FAM234A: variants seen among roughly 807,000 people sequenced by gnomAD.
FAM234A encodes protein FAM234A.
In FAM234A, 42 loss-of-function variants were observed where a neutral mutation model predicts 49.1. That is an observed-to-expected ratio of 0.86 (90% confidence interval 0.67 to 1.11). The LOEUF (loss-of-function observed/expected upper bound fraction) is 1.11. Among genes scored for constraint, FAM234A ranks in the 50% least tolerant of loss-of-function variants. The pLI, the probability that FAM234A is intolerant of heterozygous loss-of-function variation, is 0.00. For synonymous variants in FAM234A, 369 were observed against 316.2 expected, an observed-to-expected ratio of 1.17 and a Z score of -1.77; for missense variants, 815 against 745.2, an observed-to-expected ratio of 1.09 and a Z score of -1.09.
downstream of FAM234A, chr16:269,869 C>T (rs2051840766): frequency 7.8e-6 from 3 of 382,620 alleles, no homozygotes; most frequent in African/African-American, 2.1e-5. Flanking sequence ...TAGCGGGAAC[C>T]AGGAATGGCT....
chr16:265,661 C>T lies in FAM234A; in HGVS notation c.*639C>T. On this transcript the variant is annotated 3_prime_UTR_variant, in exon 13 of 13. Transcript: ENST00000399932. ...CTGTGAGGAAGCCTGGAGCAAGGGT[C>T]TCCCCCAGCAGGATGGGTGGGGCCT... is the stretch of plus-strand genomic sequence containing the variant. The T allele has an allele frequency of 1.0e-6, 1 of 985,496 alleles. No homozygotes were observed. The allele number at this position is 985,496 out of a possible 1,614,324, so 61.0% of individuals were successfully genotyped here. A position where few individuals can be genotyped will look rare whatever the true frequency, so the allele number is the denominator to read the frequency against.
chr16:259,925 G>A, intron 4 of FAM234A, 44 bp from the exon 5 acceptor site: 1 of 1,572,800 alleles, frequency 6.4e-7, no homozygotes, highest in South Asian at 1.1e-5. Context: ...CGGCCTGCCT[G>A]CCCAGATGGT....
chr16:264,273 A>T, intron 11 of FAM234A, 102 bp downstream of exon 11: 1 of 1,229,756 alleles, frequency 8.1e-7, no homozygotes, highest in Non-Finnish European at 1.1e-6. Context: ...GTGCCTGGGC[A>T]ACCTCACATA....
intron 3 of FAM234A, among the ~76,000 whole-genome samples, chr16:255,057 T>C (rs1176090834): frequency 6.6e-6 from 1 of 152,142 alleles, no homozygotes; most frequent in South Asian, 2.1e-4. Flanking sequence ...GGTTTCACCA[T>C]GTTGGTCAGG....
chr16:264,307 G>T, intron 11 of FAM234A, 136 bp downstream of exon 11: 2 of 1,013,506 alleles, frequency 2.0e-6, no homozygotes, highest in Non-Finnish European at 2.8e-6. Flanking sequence ...TGACAGTCAG[G>T]ATGAGGTGGT....
intron 5 of FAM234A, 57 bp from the exon 6 acceptor site, chr16:261,327 G>T: frequency 6.3e-7 from 1 of 1,577,370 alleles, no homozygotes; most frequent in Non-Finnish European, 8.7e-7. Flanking sequence ...TGCAGTTGCC[G>T]GGCTGCTGTT....
At chr16:239,748 A>G (rs753275109) in intron 1 of FAM234A, among the ~76,000 whole-genome samples, 1 of 152,134 alleles carries the variant, frequency 6.6e-6, no homozygotes, top group Non-Finnish European at 1.5e-5. Flanking sequence ...ATAGTTGCCT[A>G]TCAGCTGTTC....
In FAM234A at chr16:263,728, G is replaced by C. The variant is rs757810433; in HGVS notation, c.1141G>C (p.Asp381His). The C allele has an allele frequency of 6.2e-7, 1 of 1,614,100 alleles. No individual in the cohort carries two copies. The highest frequency in any genetic ancestry group is 2.2e-5 in the East Asian group (1 of 44,888). Residue 381 changes from aspartate to histidine, a missense_variant, in exon 10 of 13, where the codon GAC (aspartate) becomes CAC (histidine). Physicochemically the swap from Asp to His is moderately conservative, Grantham distance 81. Coordinates refer to ENST00000399932, the MANE Select transcript of FAM234A (RefSeq NM_032039.4). Reference protein sequence around the residue: ...RKPIFGRYKPDTLAVAVENGT... With the variant: ...RKPIFGRYKPHTLAVAVENGT... ...ACCCATCTTCGGCCGCTACAAACCAGACACCTTGGCTGTAGCCGTTGAAAA... is the reference window on the plus strand; with the variant it reads ...ACCCATCTTCGGCCGCTACAAACCACACACCTTGGCTGTAGCCGTTGAAAA...
rs2051665313 is a variant in FAM234A at position 265,549 on chromosome 16, G to A, written c.*527G>A. On this transcript the variant is annotated 3_prime_UTR_variant, in exon 13 of 13. Transcript: ENST00000399932. Reference sequence around the variant, plus strand: ...GGGTACTGGGCCTCAACGGGAACCTGAGACAGCTCCAGCTTCGCAGCCCTT... The same window carrying A: ...GGGTACTGGGCCTCAACGGGAACCTAAGACAGCTCCAGCTTCGCAGCCCTT... The A allele has an allele frequency of 1.0e-6, 1 of 985,948 alleles. No individual in the cohort carries two copies. The highest frequency in any genetic ancestry group is 6.1e-5 in the Admixed American group (1 of 16,292). 61.1% of individuals were successfully genotyped at this position (985,948 alleles called of 1,614,324 possible).
chr16:240,948 C>CT (rs1004561609), intron 1 of FAM234A, among the ~76,000 whole-genome samples: 4 of 151,796 alleles, frequency 2.6e-5, no homozygotes, highest in South Asian at 4.2e-4. Context: ...GTTTTCTTCT[C>CT]TTTTTTTTGA....
chr16:238,851 G>A (rs1403716131), intron 1 of FAM234A, among the ~76,000 whole-genome samples: 3 of 145,878 alleles, frequency 2.1e-5, no homozygotes, highest in Non-Finnish European at 4.5e-5. Context: ...TTGGGAGGCT[G>A]AGGTGGGTGG....
downstream of FAM234A, chr16:269,184 G>A (rs1243249167): frequency 9.0e-7 from 1 of 1,107,734 alleles, no homozygotes; most frequent in Admixed American, 2.0e-5. Flanking sequence ...GCAGCCCCCA[G>A]GACCTGGGCC....
chr16:239,205 C>T (rs1453019390), intron 1 of FAM234A, among the ~76,000 whole-genome samples: 2 of 130,174 alleles, frequency 1.5e-5, no homozygotes, highest in Admixed American at 8.2e-5. Context: ...GAGGATGAGG[C>T]AGGAGAATCG....
chr16:241,571 A>C (rs2142234919), intron 1 of FAM234A, among the ~76,000 whole-genome samples: 1 of 152,122 alleles, frequency 6.6e-6, no homozygotes, highest in Admixed American at 6.5e-5. Flanking sequence ...CCTGGGCAAC[A>C]GAGCAAGACC....
At chr16:255,829 A>G (rs57943755) in intron 3 of FAM234A, among the ~76,000 whole-genome samples, 28,556 of 152,028 alleles carry the variant, frequency 0.19, 2,897 homozygotes, top group East Asian at 0.32. Context: ...ACGCCCAGCT[A>G]ATTTTGTATT....
chr16:264,804 C>G lies in FAM234A; in HGVS notation c.1448-7C>G, dbSNP rs2051631506. On this transcript the variant is annotated splice_polypyrimidine_tract_variant and splice_region_variant and intron_variant, in intron 12 of 12. Transcript: ENST00000399932. Reference sequence around the variant, plus strand: ...CCGCCCTGACAGCTGTGTCCCCCACCCTGCAGCCGTCCTGTTTGAGCCAAG... The same window carrying G: ...CCGCCCTGACAGCTGTGTCCCCCACGCTGCAGCCGTCCTGTTTGAGCCAAG... 6.2e-7 allele frequency: 1 copy of G among 1,608,120 alleles called. No individual in the cohort carries two copies. The highest frequency in any genetic ancestry group is 2.2e-5 in the East Asian group (1 of 44,780).
chr16:268,083 C>T (rs557185059), downstream of FAM234A, among the ~76,000 whole-genome samples: 3 of 148,864 alleles, frequency 2.0e-5, no homozygotes, highest in Admixed American at 6.7e-5. Flanking sequence ...TATGCGTACA[C>T]ACACTTGTGC....
downstream of FAM234A, among the ~76,000 whole-genome samples, chr16:267,370 CCCT>C (rs1386400752): frequency 1.3e-5 from 2 of 152,066 alleles, no homozygotes; most frequent in East Asian, 3.9e-4. Context: ...AGGGTCAAGT[CCCT>C]CCTCCACCAT....
At chr16:254,322 G>T in intron 2 of FAM234A, 59 bp from the exon 3 acceptor site, 1 of 1,443,714 alleles carries the variant, frequency 6.9e-7, no homozygotes, top group Non-Finnish European at 9.5e-7. Flanking sequence ...ACCCCTCTGT[G>T]CTGCAGCTTT....
Sources: gnomAD v4.1 joint callset for allele counts (sites outside exome capture counted in the v4.1 genomes callset) on GRCh38, gnomAD v4.1.1 for gene constraint, MANE v1.5 for transcripts, NCBI Gene and HGNC (gene_info 2026-07-23, HGNC 2026-07-21) for gene names.